The following ACSM2B variants were observed in gnomAD, a reference collection of about 807,000 sequenced individuals.
ACSM2B encodes acyl-coenzyme A synthetase ACSM2B, mitochondrial.
A neutral mutation model predicts 78.6 loss-of-function variants in ACSM2B; 58 were observed. The ratio of observed to expected loss-of-function variants is 0.74; its 90% CI spans 0.60 to 0.92. The LOEUF is 0.92. ACSM2B is among the 40% of genes least tolerant of loss of function. The pLI, the probability that ACSM2B is intolerant of heterozygous loss-of-function variation, is 0.00. For missense variants in ACSM2B, 688 were observed against 711.2 expected (o/e 0.97, Z 0.37); for synonymous variants, 257 against 256.8 (o/e 1.00, Z -0.01).
chr16:20,566,655 T>A (rs2015863267), intron 1 of ACSM2B, among the ~76,000 whole-genome samples: 1 of 44,910 alleles, frequency 2.2e-5, no homozygotes, highest in Non-Finnish European at 3.0e-5. Flanking sequence ...CTATACTATA[T>A]ATATGTATAT....
chr16:20,573,143 G>A (rs996672970), intron 1 of ACSM2B, among the ~76,000 whole-genome samples: 6 of 151,640 alleles, frequency 4.0e-5, no homozygotes, highest in Non-Finnish European at 7.4e-5. Context: ...AAACAGCCTT[G>A]TTTTATCATA....
chr16:20,549,560 T>C, intron 6 of ACSM2B: 1 of 239,586 alleles, frequency 4.2e-6, no homozygotes, highest in Non-Finnish European at 8.4e-6. Flanking sequence ...CACTGCTTAC[T>C]ACTGTTACAC....
intron 1 of ACSM2B, among the ~76,000 whole-genome samples, chr16:20,572,869 G>T (rs2016129507): frequency 6.6e-6 from 1 of 151,628 alleles, no homozygotes; most frequent in African/African-American, 2.4e-5. Flanking sequence ...TTCTATTGTT[G>T]AGGCTTTTCA....
At chr16:20,566,247 T>TTATATATATA (rs200052689) in intron 1 of ACSM2B, among the ~76,000 whole-genome samples, 27 of 69,960 alleles carry the variant, frequency 3.9e-4, no homozygotes, top group Non-Finnish European at 4.4e-4. Flanking sequence ...TCATGGAAGA[T>TTATATATATA]TATATATATA....
chr16:20,545,237 C>A lies in ACSM2B; in HGVS notation c.1201G>T (p.Val401Phe), dbSNP rs576087006. Residue 401 changes from valine to phenylalanine, a missense_variant, in exon 10 of 14, where the codon GTC (valine) becomes TTC (phenylalanine). Val to Phe is a conservative substitution (Grantham distance 50, BLOSUM62 -1). Coordinates refer to ENST00000329697, the MANE Select transcript of ACSM2B (RefSeq NM_001105069.2). ...DVQVIDDKGN[V>F]LPPGTEGDIG... ...TCTCCTTCTGTGCCGGGGGGCAGGA[C>A]GTTGCCCTTATCATCTATAACCTGG... The A allele has an allele frequency of 1.2e-5, 20 of 1,613,794 alleles. No homozygotes were observed. The highest frequency in any genetic ancestry group is 1.5e-5 in the Non-Finnish European group (18 of 1,179,792).
At position 20,566,952 on chromosome 16, in the gene ACSM2B, A is replaced by ATATATAT. The variant is rs535569171; in HGVS notation, c.-8-2106_-8-2100dup. Among the ~76,000 whole-genome samples the ATATATAT allele has an allele frequency of 5.1e-3, 615 of 120,572 alleles. 8 individuals are homozygous for ATATATAT. The highest frequency in any genetic ancestry group is 0.032 in the South Asian group (132 of 4,100). 79.1% of individuals were successfully genotyped at this position (120,572 alleles called of 152,430 possible). On this transcript the variant is annotated intron_variant, in intron 1 of 13. Coordinates refer to ENST00000329697, the MANE Select transcript of ACSM2B (RefSeq NM_001105069.2). ...TGTACATACCATACTATTATATATC[A>ATATATAT]TATATATTATATATTATATATTATA...
At chr16:20,542,164 T>C (rs1229818484) in intron 12 of ACSM2B, 1 of 150,954 alleles carries the variant, frequency 6.6e-6, no homozygotes, top group African/African-American at 2.5e-5. Context: ...TTAACTATAG[T>C]CACCCTACTC....
At chr16:20,574,556 T>G (rs907980321) in intron 1 of ACSM2B, 5 of 151,772 alleles carry the variant, frequency 3.3e-5, no homozygotes, top group African/African-American at 9.7e-5. Flanking sequence ...GTATTAATTT[T>G]GGGAAGTGAT....
At chr16:20,558,974 CAATT>C (rs1221123684) in intron 3 of ACSM2B, among the ~76,000 whole-genome samples, 5 of 152,164 alleles carry the variant, frequency 3.3e-5, no homozygotes, top group Admixed American at 3.3e-4. Flanking sequence ...CTTACATGTG[CAATT>C]AATAGTTTAA....
chr16:20,539,159 C>A (rs1316184998), intron 13 of ACSM2B, among the ~76,000 whole-genome samples: 3 of 146,210 alleles, frequency 2.1e-5, no homozygotes, highest in Non-Finnish European at 4.5e-5. Context: ...CACAGTGCAA[C>A]CTCACCGTCT....
chr16:20,571,143 C>T (rs1296729347), intron 1 of ACSM2B, among the ~76,000 whole-genome samples: 1 of 151,776 alleles, frequency 6.6e-6, no homozygotes, highest in Non-Finnish European at 1.5e-5. Flanking sequence ...TTGTCTAGTT[C>T]CTTGAGGTGT....
chr16:20,557,279 C>G (rs2015503627), intron 3 of ACSM2B, among the ~76,000 whole-genome samples: 1 of 152,142 alleles, frequency 6.6e-6, no homozygotes, highest in Non-Finnish European at 1.5e-5. Context: ...TCATATTTTC[C>G]TAACATACCC....
intron 2 of ACSM2B, among the ~76,000 whole-genome samples, chr16:20,563,883 G>A (rs887714869): frequency 6.6e-6 from 1 of 151,944 alleles, no homozygotes; most frequent in Admixed American, 6.6e-5. Flanking sequence ...TAGGACTTCA[G>A]GTGAAGGCAA....
At chr16:20,550,069 C>T (rs751954275) in intron 6 of ACSM2B, among the ~76,000 whole-genome samples, 2 of 152,050 alleles carry the variant, frequency 1.3e-5, no homozygotes, top group Non-Finnish European at 2.9e-5. Context: ...ATGTCCCACT[C>T]CGACTTCCTG....
rs1224422461 is a variant in ACSM2B at position 20,570,192 on chromosome 16, G to A, written c.-8-5339C>T. Among the ~76,000 whole-genome samples the A allele has an allele frequency of 4.0e-5, 6 of 151,864 alleles. No individual in the cohort carries two copies. The East Asian group carries it at 1.2e-3, about 29-fold the overall frequency. ...CCCCATTCACTATTATGTTGCCTGT[G>A]GGTTTGTCATAGATGGCTTTTATTA... On this transcript the variant is annotated intron_variant, in intron 1 of 13. Transcript: ENST00000329697.
Position 20,564,849 on chromosome 16 carries a change from C to G in ACSM2B, c.-4G>C, listed in dbSNP as rs1302266743. The G allele has an allele frequency of 1.2e-6, 2 of 1,605,516 alleles. No individual in the cohort carries two copies. Among genetic ancestry groups the G allele is most frequent in the Non-Finnish European group, 1.7e-6 (2 of 1,175,018 alleles). ...GAACTTTTCGCAGCCAATGCATGTT[C>G]AGGCCTGTAAAAGAAAGAAGAGACA... On this transcript the variant is annotated 5_prime_UTR_variant, in exon 2 of 14. Coordinates refer to ENST00000329697, the MANE Select transcript of ACSM2B (RefSeq NM_001105069.2).
intron 1 of ACSM2B, among the ~76,000 whole-genome samples, chr16:20,571,502 T>C (rs1054258246): frequency 1.8e-4 from 27 of 151,400 alleles, no homozygotes; most frequent in Admixed American, 3.3e-4. Flanking sequence ...ATGGTCTATC[T>C]TGGAGAAAGT....
intron 10 of ACSM2B, chr16:20,544,584 G>A (rs927086995): frequency 8.1e-5 from 80 of 985,132 alleles, no homozygotes; most frequent in Non-Finnish European, 9.6e-5. Flanking sequence ...GGATCAGAAG[G>A]CATGCCCTTG....
chr16:20,567,303 G>T (rs2015931846), intron 1 of ACSM2B, among the ~76,000 whole-genome samples: 3 of 119,346 alleles, frequency 2.5e-5, no homozygotes, highest in South Asian at 2.3e-4. Context: ...ATAATGTATA[G>T]TACAATATAT....
Sources: allele counts gnomAD v4.1 joint callset (sites outside exome capture counted in the v4.1 genomes callset), GRCh38; gene constraint gnomAD v4.1.1; transcripts MANE v1.5; gene names NCBI Gene and HGNC (gene_info 2026-07-23, HGNC 2026-07-21).